ZXDC: variants seen among roughly 807,000 people sequenced by gnomAD.
ZXDC encodes the protein ZXD family zinc finger C.
In ZXDC, 58 loss-of-function variants were observed where a neutral mutation model predicts 63.6. The ratio of observed to expected loss-of-function variants is 0.91; its 90% confidence interval spans 0.74 to 1.13. The LOEUF (loss-of-function observed/expected upper bound fraction) is 1.13, where lower values mean the gene tolerates loss of function less well. Ranked by LOEUF, ZXDC falls within the 50% of genes most tolerant of loss-of-function variation. The pLI, the probability that ZXDC is intolerant of heterozygous loss-of-function variation, is 0.00. For missense variants in ZXDC, 1,133 were observed against 1,148.9 expected (o/e 0.99, Z 0.20); for synonymous variants, 561 against 496.1 (o/e 1.13, Z -1.74).
chr3:126,452,074 C>G, intron 7 of ZXDC: 1 of 985,330 alleles, frequency 1.0e-6, no homozygotes, highest in Non-Finnish European at 1.2e-6. Context: ...CTGTCAATAA[C>G]TGGAAATGCC....
chr3:126,460,781 C>G lies in ZXDC; in HGVS notation c.2127+754G>C, dbSNP rs1471490572. ...TCCATGGAGCCTCAGCTACTATGTG[C>G]CTCACAACTGATCCTACTGCAAAAG... On this transcript the variant is annotated intron_variant, in intron 6 of 9. Transcript: ENST00000389709. 3.0e-6 allele frequency: 3 copies of G among 985,164 alleles called. No individual in the cohort carries two copies. In the African/African-American group the frequency reaches 5.2e-5, roughly 17 times the overall value. The allele number at this position is 985,164 out of a possible 1,614,324, so 61.0% of individuals were successfully genotyped here.
chr3:126,474,905 C>T (rs1305930591), intron 1 of ZXDC, 54 bp downstream of exon 1: 5 of 1,513,918 alleles, frequency 3.3e-6, no homozygotes, highest in East Asian at 2.5e-5. Flanking sequence ...GACGTGGCAC[C>T]CCAGACCTGC....
At position 126,466,115 on chromosome 3, in the gene ZXDC, A is replaced by G. The variant is rs200057672; in HGVS notation, c.1441+40T>C. 3.8e-6 allele frequency: 6 copies of G among 1,584,242 alleles called. No homozygotes were observed. In the Admixed American group the frequency reaches 9.2e-5, roughly 24 times the overall value. ...CACTGGCACTGTTCCCGTTTCTCAC[A>G]GGGAAGCAGCTCCCCATGGGGGCCG... On this transcript the variant is annotated intron_variant, in intron 5 of 9. Coordinates refer to ENST00000389709, the MANE Select transcript of ZXDC (RefSeq NM_025112.5).
At chr3:126,450,377 T>TA (rs1326887098) in intron 7 of ZXDC, 4 of 456,548 alleles carry the variant, frequency 8.8e-6, no homozygotes, top group Non-Finnish European at 1.8e-5. Flanking sequence ...CTCCCCGGCT[T>TA]AGAGATCCAC....
rs763413192 is a variant in ZXDC at position 126,471,986 on chromosome 3, G to A, written c.1126C>T (p.Leu376=). The change falls in exon 3 of 10, where the codon CTA becomes TTA. Residue 376 remains leucine, a synonymous_variant. Transcript: ENST00000389709. ...GWTFTSMSKL[L]RHRRKHDDDR... Reference sequence around the variant, plus strand: ...TGTAAGGATTACCTTCTGTGCCTTAGAAGTTTGGACATGCTGGTGAAGGTC... The same window carrying A: ...TGTAAGGATTACCTTCTGTGCCTTAAAAGTTTGGACATGCTGGTGAAGGTC... 1.2e-6 allele frequency: 2 copies of A among 1,613,140 alleles called. No homozygotes were observed. Among genetic ancestry groups the A allele is most frequent in the African/African-American group, 1.3e-5 (1 of 75,018 alleles).
Position 126,461,687 on chromosome 3 carries a change from T to C in ZXDC, c.1975A>G (p.Ile659Val), listed in dbSNP as rs771777883. The stretch of plus-strand genomic sequence containing the variant: ...GAAGGCGAGTCCGGCTCCACCTTGA[T>C]TGGAGCCAGCAGTTCCGGGACACTG... The part of the protein sequence containing the change: ...NASVPELLAP[I>V]KVEPDSPSRP... Residue 659 changes from isoleucine to valine, a missense_variant, in exon 6 of 10, where the codon ATC (isoleucine) becomes GTC (valine). Ile to Val is a conservative substitution (Grantham distance 29). Transcript: ENST00000389709. The C allele has an allele frequency of 2.5e-6, 4 of 1,612,842 alleles. No homozygotes were observed. Among genetic ancestry groups the C allele is most frequent in the South Asian group, 1.1e-5 (1 of 91,032 alleles).
chr3:126,439,752 T>A (rs1933607017), intron 8 of ZXDC, 25 bp from the exon 9 acceptor site: 1 of 1,545,698 alleles, frequency 6.5e-7, no homozygotes, highest in Non-Finnish European at 8.7e-7. Flanking sequence ...CAGAAAGGCC[T>A]GTCACATGTC....
At chr3:126,466,718 C>T (rs925584493) in intron 4 of ZXDC, among the ~76,000 whole-genome samples, 2 of 152,058 alleles carry the variant, frequency 1.3e-5, no homozygotes, top group African/African-American at 4.8e-5. Flanking sequence ...AAAATGTAAT[C>T]CTAGGATGAC....
intron 7 of ZXDC, 40 bp from the exon 8 acceptor site, chr3:126,441,986 T>A (rs1933699798): frequency 6.5e-7 from 1 of 1,549,658 alleles, no homozygotes; most frequent in Admixed American, 1.8e-5. Context: ...CAATCTACAA[T>A]CTACCAGTCA....
intron 7 of ZXDC, among the ~76,000 whole-genome samples, chr3:126,449,176 C>T (rs920702966): frequency 2.0e-5 from 3 of 152,234 alleles, no homozygotes; most frequent in Non-Finnish European, 2.9e-5. Flanking sequence ...GTTGAATGTA[C>T]AGAAGAAGAT....
chr3:126,461,106 A>G (rs944354802), intron 6 of ZXDC: 42 of 986,608 alleles, frequency 4.3e-5, no homozygotes, highest in Non-Finnish European at 4.8e-5. Context: ...TGTTAATTCT[A>G]ATTTTAAAAA....
intron 7 of ZXDC, among the ~76,000 whole-genome samples, chr3:126,446,766 A>T (rs1933900331): frequency 6.6e-6 from 1 of 152,254 alleles, no homozygotes; most frequent in African/African-American, 2.4e-5. Flanking sequence ...ACTTATCCAC[A>T]AGGAAAAATA....
At chr3:126,467,435 G>A (rs548747258) in intron 4 of ZXDC, among the ~76,000 whole-genome samples, 4 of 152,248 alleles carry the variant, frequency 2.6e-5, no homozygotes, top group East Asian at 3.9e-4. Flanking sequence ...GCCTCTGCAC[G>A]GGCCTAAGCA....
At chr3:126,442,228 T>TG (rs1328229311) in intron 7 of ZXDC, 1 of 226,566 alleles carries the variant, frequency 4.4e-6, no homozygotes, top group Non-Finnish European at 8.5e-6. Flanking sequence ...TGCAAATTCT[T>TG]GGAGAGCAGA....
chr3:126,472,425 A>G, intron 1 of ZXDC, 120 bp from the exon 2 acceptor site: 5 of 1,247,046 alleles, frequency 4.0e-6, no homozygotes, highest in Non-Finnish European at 5.5e-6. Context: ...AACATGACTC[A>G]GAAGCACTCT....
At chr3:126,440,395 T>C (rs1287704192) in intron 8 of ZXDC, 1 of 985,544 alleles carries the variant, frequency 1.0e-6, no homozygotes, top group Non-Finnish European at 1.2e-6. Context: ...ATTTCATAGA[T>C]GACAAAACTG....
intron 7 of ZXDC, 172 bp downstream of exon 7, chr3:126,459,481 T>C (rs1934436016): frequency 1.0e-6 from 1 of 985,358 alleles, no homozygotes; most frequent in Non-Finnish European, 1.2e-6. Context: ...GGAATTTTGT[T>C]ACTAATTTTT....
intron 8 of ZXDC, chr3:126,439,980 C>G (rs1310969191): frequency 7.3e-7 from 1 of 1,369,910 alleles, no homozygotes. Context: ...CTCTCCAGCT[C>G]CTCCCCTCAG....
At chr3:126,459,225 T>C in intron 7 of ZXDC, 2 of 985,332 alleles carry the variant, frequency 2.0e-6, no homozygotes, top group South Asian at 4.7e-5. Context: ...ACTCTGACAA[T>C]GCCACAGGAC....
Sources: gnomAD v4.1 joint callset for allele counts (sites outside exome capture counted in the v4.1 genomes callset) on GRCh38, gnomAD v4.1.1 for gene constraint, MANE v1.5 for transcripts, NCBI Gene and HGNC (gene_info 2026-07-23, HGNC 2026-07-21) for gene names.